The following RBFOX1 variants were observed in gnomAD, a reference collection of about 807,000 sequenced individuals.
The protein encoded by RBFOX1 is RNA binding protein fox-1 homolog 1.
In RBFOX1, 8 loss-of-function variants were observed where a neutral mutation model predicts 57.7. The observed-to-expected ratio is 0.14, with a 90% confidence interval of 0.08 to 0.25. The LOEUF (loss-of-function observed/expected upper bound fraction) is 0.25. Ranked by LOEUF, RBFOX1 falls within the 10% of genes least tolerant of loss-of-function variation. RBFOX1 has a pLI of 1.00. For synonymous variants in RBFOX1, 326 were observed against 222.4 expected (o/e 1.47, Z -4.15); for missense variants, 611 against 548.5 (o/e 1.11, Z -1.14).
At chr16:6,377,238 C>T (rs2091293385) in intron 2 of RBFOX1, among the ~76,000 whole-genome samples, 1 of 143,998 alleles carries the variant, frequency 6.9e-6, no homozygotes, top group African/African-American at 2.7e-5. Flanking sequence ...CATGCAACTG[C>T]ACTCCATCCT....
chr16:6,530,563 G>A (rs1014205307), intron 2 of RBFOX1, among the ~76,000 whole-genome samples: 3 of 152,032 alleles, frequency 2.0e-5, no homozygotes, highest in Non-Finnish European at 2.9e-5. Flanking sequence ...CTATTTTCAC[G>A]CTGCTGATAA....
intron 4 of RBFOX1, among the ~76,000 whole-genome samples, chr16:7,115,567 C>T (rs772885172): frequency 3.9e-5 from 6 of 152,128 alleles, no homozygotes; most frequent in Non-Finnish European, 8.8e-5. Context: ...TCTCACCTGG[C>T]TGTTAGCAGG....
chr16:6,033,842 TG>T (rs906807398), intron 1 of RBFOX1, among the ~76,000 whole-genome samples: 2 of 152,194 alleles, frequency 1.3e-5, no homozygotes, highest in African/African-American at 4.8e-5. Context: ...TGACAGACAC[TG>T]CCAAACCTGA....
intron 4 of RBFOX1, among the ~76,000 whole-genome samples, chr16:7,437,179 G>T (rs1029664042): frequency 6.6e-6 from 1 of 151,996 alleles, no homozygotes; most frequent in Non-Finnish European, 1.5e-5. Flanking sequence ...TACTGTGCTA[G>T]TAGAATTTTC....
At chr16:6,063,402 A>C (rs2095713433) in intron 1 of RBFOX1, among the ~76,000 whole-genome samples, 1 of 151,822 alleles carries the variant, frequency 6.6e-6, no homozygotes, top group Non-Finnish European at 1.5e-5. Flanking sequence ...TCAGGAAGAG[A>C]AATGGCAGAC....
At chr16:7,116,016 C>T (rs1292234034) in intron 4 of RBFOX1, among the ~76,000 whole-genome samples, 1 of 152,146 alleles carries the variant, frequency 6.6e-6, no homozygotes, top group East Asian at 1.9e-4. Flanking sequence ...GTGCCAGGCA[C>T]TGTACTAAGT....
At chr16:7,309,280 G>A (rs1008444790) in intron 4 of RBFOX1, among the ~76,000 whole-genome samples, 1 of 152,218 alleles carries the variant, frequency 6.6e-6, no homozygotes, top group Non-Finnish European at 1.5e-5. Context: ...AGGTGAGCTG[G>A]GGGTCATCTG....
intron 4 of RBFOX1, among the ~76,000 whole-genome samples, chr16:5,872,289 T>G (rs1031936673): frequency 2.0e-5 from 3 of 152,174 alleles, no homozygotes; most frequent in African/African-American, 7.2e-5. Flanking sequence ...TTTGGAGTCT[T>G]GTAGATGAGG....
intron 3 of RBFOX1, among the ~76,000 whole-genome samples, chr16:6,996,884 C>T (rs1033966087): frequency 6.6e-6 from 1 of 152,182 alleles, no homozygotes. Context: ...TCTGTAGTCA[C>T]AGAGTTAGAA....
intron 3 of RBFOX1, among the ~76,000 whole-genome samples, chr16:6,756,985 GACAA>G (rs142038941): frequency 0.71 from 99,130 of 140,604 alleles, 34,231 homozygotes; most frequent in South Asian, 0.81. Context: ...CAAACAAACA[GACAA>G]ACAAACAAAC....
At chr16:7,245,006 C>T (rs563146149) in intron 4 of RBFOX1, among the ~76,000 whole-genome samples, 1 of 152,192 alleles carries the variant, frequency 6.6e-6, no homozygotes, top group Non-Finnish European at 1.5e-5. Context: ...GCAGCTGCTC[C>T]TCAGCTGCAT....
chr16:5,670,276 G>A (rs1214359195), intron 3 of RBFOX1, among the ~76,000 whole-genome samples: 1 of 152,280 alleles, frequency 6.6e-6, no homozygotes, highest in African/African-American at 2.4e-5. Flanking sequence ...GCTTAATACT[G>A]TGAGTGTATT....
intron 4 of RBFOX1, among the ~76,000 whole-genome samples, chr16:7,293,948 G>T (rs944829049): frequency 1.3e-5 from 2 of 152,128 alleles, no homozygotes; most frequent in Non-Finnish European, 2.9e-5. Flanking sequence ...AGATGTTAGA[G>T]GTGAAGTCAC....
At chr16:6,705,333 A>G (rs887306040) in intron 3 of RBFOX1, 1 of 152,282 alleles carries the variant, frequency 6.6e-6, no homozygotes, top group Non-Finnish European at 1.5e-5. Flanking sequence ...AGAGCGATCC[A>G]TGGCATGATG....
intron 3 of RBFOX1, among the ~76,000 whole-genome samples, chr16:5,707,093 C>G (rs934979638): frequency 7.2e-5 from 11 of 152,188 alleles, no homozygotes; most frequent in African/African-American, 2.4e-4. Context: ...AACACCCAGC[C>G]AGCCAAGTCA....
intron 1 of RBFOX1, among the ~76,000 whole-genome samples, chr16:5,458,015 T>G (rs548890553): frequency 1.8e-4 from 28 of 152,278 alleles, no homozygotes; most frequent in African/African-American, 5.1e-4. Flanking sequence ...CTTTGCTGTC[T>G]TGGGGGTAGA....
intron 3 of RBFOX1, among the ~76,000 whole-genome samples, chr16:5,755,990 C>G (rs1388546292): frequency 8.5e-5 from 13 of 152,054 alleles, no homozygotes; most frequent in Admixed American, 7.9e-4. Context: ...GAAAAGACCT[C>G]AGAGGTCATG....
intron 4 of RBFOX1, among the ~76,000 whole-genome samples, chr16:5,966,991 C>CG (rs373142050): frequency 0.3 from 9,251 of 30,462 alleles, 1,774 homozygotes; most frequent in Non-Finnish European, 0.39. Context: ...TGCACTAAAT[C>CG]GGGGGGGGGG....
chr16:6,227,359 T>G (rs1182888127), intron 1 of RBFOX1, among the ~76,000 whole-genome samples: 1 of 152,190 alleles, frequency 6.6e-6, no homozygotes, highest in Non-Finnish European at 1.5e-5. Flanking sequence ...GGACCACATT[T>G]TCAGAAAGAG....
Sources: gnomAD v4.1 joint callset for allele counts (sites outside exome capture counted in the v4.1 genomes callset) on GRCh38, gnomAD v4.1.1 for gene constraint, MANE v1.5 for transcripts, NCBI Gene and HGNC (gene_info 2026-07-23, HGNC 2026-07-21) for gene names.